Variants in DOK7 observed in about 807,000 individuals in gnomAD.
DOK7 encodes the protein protein Dok-7.
DOK7 carries 32 observed loss-of-function variants against 30.7 expected under a neutral mutation model. The observed-to-expected ratio is 1.04, with a 90% CI of 0.79 to 1.40. The LOEUF is 1.40. DOK7 is among the 40% of genes most tolerant of loss of function. DOK7 has a pLI of 0.00. For synonymous variants in DOK7, 447 were observed against 324.1 expected, an observed-to-expected ratio of 1.38 and a Z score of -4.07; for missense variants, 1,007 against 699.2, an observed-to-expected ratio of 1.44 and a Z score of -4.97.
Position 3,493,590 on chromosome 4 carries a change from T to G in DOK7, c.*89T>G. On this transcript the variant is annotated 3_prime_UTR_variant, in exon 7 of 7. Transcript: ENST00000340083. ...TGGCGCCAGCCTCCTTGCAGACTGG[T>G]GCTCTGTGTTCTGTGGGAGGGACCG... 1 of 1,548,470 alleles carries G rather than the reference T, an allele frequency of 6.5e-7. No homozygotes were observed. The highest frequency in any genetic ancestry group is 1.2e-5 in the South Asian group (1 of 84,136).
intron 4 of DOK7, among the ~76,000 whole-genome samples, chr4:3,484,389 C>T (rs796598889): frequency 6.6e-5 from 10 of 152,316 alleles, no homozygotes; most frequent in East Asian, 1.9e-4. Flanking sequence ...GTTCTAATGC[C>T]GAGATTTCCC....
chr4:3,485,387 G>T (rs1407154645), intron 4 of DOK7, 152 bp from the exon 5 acceptor site: 3 of 1,056,482 alleles, frequency 2.8e-6, no homozygotes, highest in African/African-American at 1.6e-5. Context: ...GCCAGGCGGG[G>T]TGTCGGCTCT....
At chr4:3,487,634 C>T (rs1000811108) in intron 5 of DOK7, among the ~76,000 whole-genome samples, 6 of 152,180 alleles carry the variant, frequency 3.9e-5, no homozygotes, top group Non-Finnish European at 7.3e-5. Context: ...CACGGGGGTG[C>T]ACCGTTGCTG....
At position 3,493,567 on chromosome 4, in the gene DOK7, G is replaced by A; in HGVS notation, c.*66G>A. On this transcript the variant is annotated 3_prime_UTR_variant, in exon 7 of 7. Transcript: ENST00000340083. ...TTGCCCCCAGATGGCAGAGGAAGTG[G>A]CGCCAGCCTCCTTGCAGACTGGTGC... 1 of 1,573,868 alleles carries A rather than the reference G, an allele frequency of 6.4e-7. No individual in the cohort carries two copies. Among genetic ancestry groups the A allele is most frequent in the Non-Finnish European group, 8.6e-7 (1 of 1,159,680 alleles).
intron 3 of DOK7, 75 bp downstream of exon 3, chr4:3,473,711 C>G (rs1041607828): frequency 7.2e-7 from 1 of 1,381,824 alleles, no homozygotes; most frequent in African/African-American, 1.4e-5. Context: ...ACGTGGGCTG[C>G]AGAGGTGGGA....
At chr4:3,480,907 C>T (rs1020796825) in intron 4 of DOK7, among the ~76,000 whole-genome samples, 1 of 152,178 alleles carries the variant, frequency 6.6e-6, no homozygotes, top group Non-Finnish European at 1.5e-5. Context: ...AGGAGGGGCA[C>T]AGACCCCAGG....
chr4:3,468,771 T>C (rs1287932040), intron 2 of DOK7, among the ~76,000 whole-genome samples: 1 of 143,648 alleles, frequency 7.0e-6, no homozygotes, highest in African/African-American at 2.9e-5. Flanking sequence ...TGTGTGTGCA[T>C]GTATGTGTGC....
At chr4:3,476,771 C>T (rs1056926127) in intron 4 of DOK7, among the ~76,000 whole-genome samples, 2 of 152,236 alleles carry the variant, frequency 1.3e-5, no homozygotes, top group Non-Finnish European at 2.9e-5. Context: ...TGCTCTTCCT[C>T]ACTGGAGGGA....
At chr4:3,484,126 G>A (rs547627704) in intron 4 of DOK7, among the ~76,000 whole-genome samples, 8 of 152,344 alleles carry the variant, frequency 5.3e-5, no homozygotes, top group African/African-American at 1.4e-4. Flanking sequence ...GTGGACAGGT[G>A]GCGTGCCTTC....
At chr4:3,499,806 G>A (rs1226742813) in intron 6 of DOK7, among the ~76,000 whole-genome samples, 1 of 152,056 alleles carries the variant, frequency 6.6e-6, no homozygotes, top group Non-Finnish European at 1.5e-5. Flanking sequence ...TGAGGGGGAG[G>A]TGCTGGGGGC....
intron 2 of DOK7, among the ~76,000 whole-genome samples, chr4:3,467,084 A>G (rs991048011): frequency 1.3e-5 from 2 of 151,900 alleles, no homozygotes; most frequent in Non-Finnish European, 2.9e-5. Context: ...TCAGGCGGCT[A>G]CCACCTGCGT....
At chr4:3,468,570 ATG>A (rs761082237) in intron 2 of DOK7, among the ~76,000 whole-genome samples, 4 of 112,290 alleles carry the variant, frequency 3.6e-5, no homozygotes, top group South Asian at 2.7e-4. Flanking sequence ...GCATGTATGA[ATG>A]TGTGTGCTTG....
At chr4:3,500,900 C>T in exon 8 of DOK7, 2 of 1,460,066 alleles carry the variant, frequency 1.4e-6, no homozygotes, top group South Asian at 1.4e-5. Context: ...CCAGCCCCTT[C>T]TGTTGGGCGT....
At chr4:3,500,266 T>C (rs1177938997) in exon 7 of DOK7, 2 of 1,535,654 alleles carry the variant, frequency 1.3e-6, no homozygotes, top group Admixed American at 3.9e-5. Flanking sequence ...CCAGGACCCG[T>C]GGCTGTGGAC....
intron 4 of DOK7, 112 bp from the exon 5 acceptor site, chr4:3,485,427 G>GT: frequency 7.4e-7 from 1 of 1,348,890 alleles, no homozygotes; most frequent in South Asian, 1.9e-5. Context: ...GCCAGGCAGG[G>GT]TGTCATTGTC....
chr4:3,476,302 C>CACCCGCCCAGGA (rs773736715), intron 3 of DOK7, 40 bp from the exon 4 acceptor site: 1 of 1,532,068 alleles, frequency 6.5e-7, no homozygotes, highest in African/African-American at 1.6e-5. Flanking sequence ...TCCTCTCACC[C>CACCCGCCCAGGA]TGCCCGCCCG....
At chr4:3,463,462 G>GGGGGGGGGC in intron 1 of DOK7, 33 bp downstream of exon 1, 1 of 1,215,602 alleles carries the variant, frequency 8.2e-7, no homozygotes, top group Non-Finnish European at 1.1e-6. Context: ...GGGGGGGGGG[G>GGGGGGGGGC]CGCGGGCGCG....
At chr4:3,500,090 A>G (rs997504717) in intron 6 of DOK7, among the ~76,000 whole-genome samples, 2 of 151,868 alleles carry the variant, frequency 1.3e-5, no homozygotes, top group African/African-American at 2.4e-5. Flanking sequence ...CGCTGGGCCA[A>G]AGATGGACGG....
At chr4:3,491,600 C>G (rs1026571674) in intron 6 of DOK7, among the ~76,000 whole-genome samples, 1 of 151,234 alleles carries the variant, frequency 6.6e-6, no homozygotes, top group Admixed American at 6.6e-5. Context: ...AAACTCTGGT[C>G]TGAGGTGCTG....
Sources: gnomAD v4.1 joint callset for allele counts (sites outside exome capture counted in the v4.1 genomes callset) on GRCh38, gnomAD v4.1.1 for gene constraint, MANE v1.5 for transcripts, NCBI Gene and HGNC (gene_info 2026-07-23, HGNC 2026-07-21) for gene names.